Variants in GNS observed in about 807,000 individuals in gnomAD.
The protein encoded by GNS is glucosamine (N-acetyl)-6-sulfatase.
GNS carries 40 observed loss-of-function variants against 69.7 expected under a neutral mutation model. The observed-to-expected ratio is 0.57, with a 90% CI of 0.45 to 0.75. GNS has a LOEUF of 0.75. GNS is among the 30% of genes least tolerant of loss of function. The pLI, the probability that GNS is intolerant of heterozygous loss-of-function variation, is 0.00. For synonymous variants in GNS, 243 were observed against 251.6 expected (o/e 0.97, Z 0.32); for missense variants, 565 against 685.5 (o/e 0.82, Z 1.96).
At chr12:64,725,292 C>A (rs1338030060) in intron 10 of GNS, among the ~76,000 whole-genome samples, 1 of 152,158 alleles carries the variant, frequency 6.6e-6, no homozygotes, top group Non-Finnish European at 1.5e-5. Flanking sequence ...AGGGAAGCAG[C>A]CATCAACAAT....
At chr12:64,754,238 CA>C (rs1450074439) in intron 1 of GNS, among the ~76,000 whole-genome samples, 3 of 152,128 alleles carry the variant, frequency 2.0e-5, no homozygotes, top group African/African-American at 7.2e-5. Flanking sequence ...AACAGGTAAA[CA>C]ATCAGTCATT....
At chr12:64,751,238 C>T (rs986331782) in intron 2 of GNS, among the ~76,000 whole-genome samples, 4 of 151,996 alleles carry the variant, frequency 2.6e-5, no homozygotes, top group Admixed American at 6.6e-5. Flanking sequence ...TTTTGTCTCC[C>T]GCCTTCTATT....
At chr12:64,732,259 CCGGTTTGATGCCATTCTCCTGCCTCA>C (rs1261476811) in intron 9 of GNS, among the ~76,000 whole-genome samples, 1 of 150,148 alleles carries the variant, frequency 6.7e-6, no homozygotes, top group Non-Finnish European at 1.5e-5. Context: ...GCTCTGCCTC[CCGGTTTGATGCCATTCTCCTGCCTCA>C]GCCTCCCAAG....
At chr12:64,732,477 T>C (rs1869434304) in intron 9 of GNS, among the ~76,000 whole-genome samples, 3 of 148,378 alleles carry the variant, frequency 2.0e-5, no homozygotes, top group Admixed American at 2.0e-4. Context: ...CTCTTTTTTT[T>C]TGAGATGGAG....
At chr12:64,729,786 C>A (rs1657576371) in intron 9 of GNS, among the ~76,000 whole-genome samples, 1 of 151,996 alleles carries the variant, frequency 6.6e-6, no homozygotes, top group Admixed American at 6.6e-5. Flanking sequence ...AAGGGGACCC[C>A]ATATGTAATT....
At chr12:64,738,488 G>A (rs1274951442) in intron 8 of GNS, among the ~76,000 whole-genome samples, 4 of 152,154 alleles carry the variant, frequency 2.6e-5, no homozygotes, top group African/African-American at 9.7e-5. Flanking sequence ...GATAATGGAG[G>A]TTATTTTACT....
chr12:64,747,985 A>G (rs1158057579), intron 2 of GNS, 67 bp from the exon 3 acceptor site: 2 of 869,416 alleles, frequency 2.3e-6, no homozygotes, highest in Non-Finnish European at 4.0e-6. Context: ...TCATTGTTAA[A>G]GAGAGTAAAG....
At chr12:64,728,925 G>A in intron 10 of GNS, 31 bp downstream of exon 10, 1 of 974,218 alleles carries the variant, frequency 1.0e-6, no homozygotes, top group Non-Finnish European at 1.7e-6. Flanking sequence ...TGCGGTCTTG[G>A]CTCAGGCCTG....
At chr12:64,719,615 T>G (rs1868961431) in intron 13 of GNS, among the ~76,000 whole-genome samples, 1 of 152,184 alleles carries the variant, frequency 6.6e-6, no homozygotes, top group Admixed American at 6.6e-5. Flanking sequence ...TTCAAGTTTC[T>G]GTAGTAGGGG....
At position 64,759,227 on chromosome 12, in the gene GNS, C is replaced by T. The variant is rs1375712315; in HGVS notation, c.50G>A (p.Arg17His). 1 of 1,544,450 alleles carries T rather than the reference C, an allele frequency of 6.5e-7. No homozygotes were observed. The highest frequency in any genetic ancestry group is 1.4e-5 in the African/African-American group (1 of 72,968). ...APGRLRRGSP[R>H]HLPSCSPALL... ...CGCTGGGCTGCAGGAGGGCAGGTGG[C>T]GGGGGCTGCCCCGCCGGAGCCGACC... The change falls in exon 1 of 14, where the codon CGC becomes CAC. Residue 17 changes from arginine to histidine, a missense_variant. Arg to His is a conservative substitution (Grantham distance 29, BLOSUM62 0). Around this residue, in one of 2 missense-constraint regions of GNS, gnomAD observed 181 missense variants for 174.4 expected, o/e 1.04. Transcript: ENST00000258145.
chr12:64,748,199 A>G (rs1565627200), intron 2 of GNS, among the ~76,000 whole-genome samples: 1 of 151,662 alleles, frequency 6.6e-6, no homozygotes. Flanking sequence ...CCGCAGAGAT[A>G]GTTGTTTTTT....
chr12:64,728,807 ATTT>A (rs1289055214), intron 10 of GNS, 146 bp downstream of exon 10: 2 of 636,984 alleles, frequency 3.1e-6, no homozygotes, highest in Non-Finnish European at 5.7e-6. Context: ...ATGTGGTCTA[ATTT>A]TTTATTTTAG....
At chr12:64,758,277 C>T (rs1017127332) in intron 1 of GNS, among the ~76,000 whole-genome samples, 1 of 144,384 alleles carries the variant, frequency 6.9e-6, no homozygotes, top group African/African-American at 2.5e-5. Flanking sequence ...AATAGTTCGA[C>T]GGTCGGCCTA....
intron 2 of GNS, among the ~76,000 whole-genome samples, 157 bp downstream of exon 2, chr12:64,752,541 T>A (rs540451353): frequency 6.6e-6 from 1 of 152,332 alleles, no homozygotes; most frequent in South Asian, 2.1e-4. Flanking sequence ...AGAGGTAATA[T>A]TTCAATTAAA....
chr12:64,751,165 T>C (rs1178209991), intron 2 of GNS, among the ~76,000 whole-genome samples: 1 of 152,194 alleles, frequency 6.6e-6, no homozygotes, highest in African/African-American at 2.4e-5. Context: ...CCGGGCTACA[T>C]AGTGAGTGAG....
intron 13 of GNS, among the ~76,000 whole-genome samples, chr12:64,717,141 T>C (rs1868887493): frequency 6.6e-6 from 1 of 152,178 alleles, no homozygotes; most frequent in South Asian, 2.1e-4. Context: ...ATTATTACAG[T>C]GCTTGTGTTC....
At position 64,723,014 on chromosome 12, in the gene GNS, C is replaced by G; in HGVS notation, c.1300G>C (p.Gly434Arg). ...TTCAAGCTATTACTCACAGATACGC[C>G]AGGACTCAGGGAAGGGCATGTTGGG... ...TDPTCPSLSP[G>R]VSQCFPDCVC... Residue 434 changes from glycine to arginine, a missense_variant, in exon 11 of 14, where the codon GGC becomes CGC. By Grantham distance (125) the Gly-to-Arg change is moderately radical. Transcript: ENST00000258145. The G allele has an allele frequency of 6.3e-7, 1 of 1,587,072 alleles. No individual in the cohort carries two copies. Among genetic ancestry groups the G allele is most frequent in the South Asian group, 1.1e-5 (1 of 90,570 alleles).
intron 5 of GNS, 65 bp from the exon 6 acceptor site, chr12:64,743,373 G>A: frequency 8.6e-7 from 1 of 1,157,024 alleles, no homozygotes; most frequent in Non-Finnish European, 1.3e-6. Flanking sequence ...ATAGATAAAT[G>A]TCTTCTGGTG....
Position 64,752,740 on chromosome 12 carries a change from G to T in GNS, c.210C>A (p.Thr70=). 6.5e-7 allele frequency: 1 copy of T among 1,528,936 alleles called. No individual in the cohort carries two copies. The highest frequency in any genetic ancestry group is 9.1e-7 in the Non-Finnish European group (1 of 1,104,176). The allele number at this position is 1,528,936 out of a possible 1,614,324, so 94.7% of individuals were successfully genotyped here. The change falls in exon 2 of 14, where the codon ACC becomes ACA. Residue 70 remains threonine (T), a synonymous_variant. Transcript: ENST00000258145. ...TCCCCATCTCTCCGATGAGAGCTTTGGTTTTCTTTAGCGGTGTCTGTAAAA... is the reference window on the plus strand; with the variant it reads ...TCCCCATCTCTCCGATGAGAGCTTTTGTTTTCTTTAGCGGTGTCTGTAAAA... ...VLGGMTPLKK[T]KALIGEMGMT...
Sources: allele counts gnomAD v4.1 joint callset (sites outside exome capture counted in the v4.1 genomes callset), GRCh38; gene constraint gnomAD v4.1.1; regional missense constraint gnomAD v4.1.1; transcripts MANE v1.5; gene names NCBI Gene and HGNC (gene_info 2026-07-23, HGNC 2026-07-21).